The following SBNO2 variants were observed in gnomAD, a reference collection of about 807,000 sequenced individuals.
SBNO2 encodes the protein protein strawberry notch homolog 2.
In SBNO2, 89 loss-of-function variants were observed where a neutral mutation model predicts 146.3. The ratio of observed to expected loss-of-function variants is 0.61; its 90% confidence interval spans 0.51 to 0.73. The LOEUF (loss-of-function observed/expected upper bound fraction) is 0.73. Among genes scored for constraint, SBNO2 ranks in the 30% least tolerant of loss-of-function variants. SBNO2 has a pLI of 0.00. For missense variants in SBNO2, 2,092 were observed against 2,003.7 expected (o/e 1.04, Z -0.84); for synonymous variants, 1,147 against 892.6 (o/e 1.29, Z -5.08).
At chr19:1,166,232 C>CCCCAGATCCCAGACTTCAGATG (rs1371041288) in intron 1 of SBNO2, among the ~76,000 whole-genome samples, 3 of 188 alleles carry the variant, frequency 0.016, no homozygotes, top group South Asian at 0.2. Flanking sequence ...AGATTCCAGA[C>CCCCAGATCCCAGACTTCAGATG]CCCAGATCCC....
intron 2 of SBNO2, among the ~76,000 whole-genome samples, chr19:1,152,199 G>A (rs2080248646): frequency 6.6e-6 from 1 of 152,202 alleles, no homozygotes; most frequent in Admixed American, 6.5e-5. Context: ...CCGGGTTCCA[G>A]CCCTGTCGCA....
chr19:1,170,044 G>A (rs947548990), intron 1 of SBNO2, among the ~76,000 whole-genome samples: 2 of 152,184 alleles, frequency 1.3e-5, no homozygotes, highest in Non-Finnish European at 2.9e-5. Flanking sequence ...CTCTGCACAC[G>A]TCACATGAAC....
Position 1,144,667 on chromosome 19 carries a change from A to AACAGAC in SBNO2, c.279+2636_279+2641dup, listed in dbSNP as rs1457579178. 2.8e-5 allele frequency among the ~76,000 whole-genome samples: 4 copies of AACAGAC among 143,612 alleles called. No individual in the cohort carries two copies. The allele number at this position is 143,612 out of a possible 152,430, so 94.2% of individuals were successfully genotyped here. The stretch of plus-strand genomic sequence containing the variant: ...CGACAGAGACAGAGGCAGAGAGGGA[A>AACAGAC]ACAGACGAAGACAGAGAGGGCGACA... On this transcript the variant is annotated intron_variant, in intron 4 of 31. Transcript: ENST00000361757. The surrounding 1 kb of genome is among the most constrained non-coding windows in gnomAD (Gnocchi z 4.1).
chr19:1,115,971 G>GC, intron 17 of SBNO2, 50 bp downstream of exon 17: 1 of 1,218,770 alleles, frequency 8.2e-7, no homozygotes, highest in Admixed American at 2.4e-5. Flanking sequence ...CCCCCGGGGG[G>GC]AGAAAGCAGA....
In SBNO2 at chr19:1,116,034, G is replaced by A. The variant is rs1382296381; in HGVS notation, c.1872C>T (p.Gly624=). 2 of 1,610,148 alleles carry A rather than the reference G, an allele frequency of 1.2e-6. No homozygotes were observed. The highest frequency in any genetic ancestry group is 1.3e-5 in the African/African-American group (1 of 74,750). ...STKRKRDRGA[G]SKRKRRPRGR... is the part of the protein sequence containing the mutation. Reference sequence around the variant, plus strand: ...GGCAGGGCTTACGTTTCCGCTTGCTGCCCGCTCCTCTGTCCCGCTTTCTCT... The same window carrying A: ...GGCAGGGCTTACGTTTCCGCTTGCTACCCGCTCCTCTGTCCCGCTTTCTCT... The change falls in exon 17 of 32, where the codon GGC becomes GGT. Residue 624 remains glycine (G), a synonymous_variant. Transcript: ENST00000361757.
rs375736810 is a variant in SBNO2 at position 1,136,700 on chromosome 19, T to C, written c.280-8935A>G. On this transcript the variant is annotated intron_variant, in intron 4 of 31. Coordinates refer to ENST00000361757, the MANE Select transcript of SBNO2 (RefSeq NM_014963.3). The surrounding 1 kb of genome is among the most constrained non-coding windows in gnomAD (Gnocchi z 4.2). ...AATGCCAGTAACTGTGGGGGCTCCG[T>C]GGTGCCGGATGGGCCGAGGCATCTG... 1.2e-4 allele frequency among the ~76,000 whole-genome samples: 18 copies of C among 152,192 alleles called. No individual in the cohort carries two copies. The highest frequency in any genetic ancestry group is 4.3e-4 in the African/African-American group (18 of 41,454).
rs750529249 is a variant in SBNO2, at chr19:1,111,627, G to A, written c.2701-13C>T. The stretch of plus-strand genomic sequence containing the variant: ...CCCGGGTGCCATACTAGGGGGAGAA[G>A]GTGACTCGGGGAGGAGGCCCAGGGA... On this transcript the variant is annotated splice_polypyrimidine_tract_variant and intron_variant, in intron 23 of 31. Transcript: ENST00000361757. The A allele has an allele frequency of 7.7e-6, 12 of 1,558,780 alleles. No homozygotes were observed. Among genetic ancestry groups the A allele is most frequent in the South Asian group, 3.5e-5 (3 of 85,000 alleles).
chr19:1,138,559 T>C (rs2080106029), intron 4 of SBNO2, among the ~76,000 whole-genome samples: 1 of 152,052 alleles, frequency 6.6e-6, no homozygotes, highest in African/African-American at 2.4e-5. Context: ...CTGGGAAGTT[T>C]GCACCCGTGC....
In SBNO2 at chr19:1,109,514, A is replaced by T. The variant is rs772319736; in HGVS notation, c.3208T>A (p.Ser1070Thr). 105 of 1,597,752 alleles carry T rather than the reference A, an allele frequency of 6.6e-5. No homozygotes were observed. The highest frequency in any genetic ancestry group is 8.7e-5 in the Non-Finnish European group (102 of 1,173,616). ...LTGPYDGFYL[S>T]YKVRGNKPSC... Reference sequence around the variant, plus strand: ...ACCCCGCCCGACCCCACCTTGTAGGAGAGGTAGAAGCCGTCATAGGGGCCC... The same window carrying T: ...ACCCCGCCCGACCCCACCTTGTAGGTGAGGTAGAAGCCGTCATAGGGGCCC... Residue 1070 changes from serine to threonine, a missense_variant, in exon 28 of 32, where the codon TCC (serine) becomes ACC (threonine). Transcript: ENST00000361757. This position sits in a 1 kb window ranked among gnomAD's most constrained non-coding sequence, Gnocchi z 4.2.
rs367898243 is a variant in SBNO2, at chr19:1,114,366, C to T, written c.1942G>A (p.Val648Ile). ...CTGCTGTCGTCACTGATGCGGATGA[C>T]GCCCGCTGTCTCGCACGCCAGCCGG... Reference protein sequence around the residue: ...APRLACETAGVIRISDDSSTE... With the variant: ...APRLACETAGIIRISDDSSTE... The change falls in exon 18 of 32, where the codon GTC (valine) becomes ATC (isoleucine). Residue 648 changes from valine (V) to isoleucine (I), a missense_variant. Val to Ile is a conservative substitution (Grantham distance 29, BLOSUM62 3). Coordinates refer to ENST00000361757, the MANE Select transcript of SBNO2 (RefSeq NM_014963.3). 8.7e-5 allele frequency: 135 copies of T among 1,555,316 alleles called. No individual in the cohort carries two copies. The highest frequency in any genetic ancestry group is 1.1e-4 in the Non-Finnish European group (129 of 1,149,660).
chr19:1,131,973 G>C, intron 4 of SBNO2: 1 of 664,978 alleles, frequency 1.5e-6, no homozygotes, highest in Non-Finnish European at 2.3e-6. Flanking sequence ...TGGCGGCCTC[G>C]GACTCTAGGA....
chr19:1,138,926 C>T (rs894116945), intron 4 of SBNO2, among the ~76,000 whole-genome samples: 1 of 150,632 alleles, frequency 6.6e-6, no homozygotes, highest in African/African-American at 2.4e-5. Flanking sequence ...CACAGACAGA[C>T]ACAGTGGGGC....
At chr19:1,159,187 C>T (rs964403615) in intron 1 of SBNO2, among the ~76,000 whole-genome samples, 2 of 152,124 alleles carry the variant, frequency 1.3e-5, no homozygotes, top group African/African-American at 4.8e-5. Context: ...ATCCTAGGAC[C>T]GGGTGCAGGG....
At chr19:1,116,205 G>T in intron 16 of SBNO2, 102 bp from the exon 17 acceptor site, 1 of 1,035,204 alleles carries the variant, frequency 9.7e-7, no homozygotes, top group Non-Finnish European at 1.4e-6. Flanking sequence ...TGGGGGTCCC[G>T]GACAGGACCG....
At chr19:1,119,457 G>A in intron 13 of SBNO2, 59 bp downstream of exon 13, 2 of 1,334,798 alleles carry the variant, frequency 1.5e-6, no homozygotes, top group East Asian at 2.5e-5. Context: ...GGGCTGATGG[G>A]CCTGAGGCCT....
Position 1,112,367 on chromosome 19 carries a change from G to C in SBNO2, c.2515+35C>G. ...CGGGGCCGAGACCATGTTGGGGGCG[G>C]GGCCAGGCAGCGCTGGGGGCGGGGC... On this transcript the variant is annotated intron_variant, in intron 21 of 31. Transcript: ENST00000361757. This position sits in a 1 kb window ranked among gnomAD's most constrained non-coding sequence, Gnocchi z 5.9. 6.3e-7 allele frequency: 1 copy of C among 1,575,608 alleles called. No homozygotes were observed. Among genetic ancestry groups the C allele is most frequent in the Non-Finnish European group, 8.6e-7 (1 of 1,164,088 alleles).
In SBNO2 at chr19:1,163,469, G is replaced by A. The variant is rs1333308229; in HGVS notation, c.-126-9067C>T. On this transcript the variant is annotated intron_variant, in intron 1 of 31. Transcript: ENST00000361757. Reference sequence around the variant, plus strand: ...GCCACCCAGTTTGCAGCACTGCTGCGGCCGCCACGAGAAGCTCGTCCAGGG... The same window carrying A: ...GCCACCCAGTTTGCAGCACTGCTGCAGCCGCCACGAGAAGCTCGTCCAGGG... 2.6e-5 allele frequency among the ~76,000 whole-genome samples: 4 copies of A among 152,208 alleles called. No homozygotes were observed. The East Asian group carries it at 5.8e-4, about 22-fold the overall frequency.
In SBNO2 at chr19:1,108,564, G is replaced by A. The variant is rs1320347166; in HGVS notation, c.3757C>T (p.Pro1253Ser). The change falls in exon 32 of 32, where the codon CCC becomes TCC. Residue 1253 changes from proline to serine, a missense_variant. Transcript: ENST00000361757. ...TAGGTGAGGTCCAGCACCTCTCCGGGGCCGCAAGGCAGCGCCAGCGGGCGC... is the reference window on the plus strand; with the variant it reads ...TAGGTGAGGTCCAGCACCTCTCCGGAGCCGCAAGGCAGCGCCAGCGGGCGC... The part of the protein sequence containing the change: ...APRPLALPCG[P>S]GEVLDLTYSP... 2.4e-6 allele frequency: 3 copies of A among 1,250,622 alleles called. No homozygotes were observed. The highest frequency in any genetic ancestry group is 2.4e-5 in the South Asian group (1 of 42,160). 77.5% of individuals were successfully genotyped at this position (1,250,622 alleles called of 1,614,324 possible). A position where few individuals can be genotyped will look rare whatever the true frequency, so the allele number is the denominator to read the frequency against.
At chr19:1,124,835 C>CG (rs1568582669) in intron 5 of SBNO2, among the ~76,000 whole-genome samples, 1 of 152,058 alleles carries the variant, frequency 6.6e-6, no homozygotes, top group Non-Finnish European at 1.5e-5. Context: ...GTGGCCCACC[C>CG]AGGGGTCTCC....
Sources: gnomAD v4.1 joint callset for allele counts (sites outside exome capture counted in the v4.1 genomes callset) on GRCh38, gnomAD v4.1.1 for gene constraint, Gnocchi (gnomAD v3.1) non-coding constraint, MANE v1.5 for transcripts, NCBI Gene and HGNC (gene_info 2026-07-23, HGNC 2026-07-21) for gene names.